WNT9B: variants seen among roughly 807,000 people sequenced by gnomAD.
WNT9B encodes protein Wnt-9b.
In WNT9B, 12 loss-of-function variants were observed where a neutral mutation model predicts 30.2. That is an observed-to-expected ratio of 0.40 (90% CI 0.26 to 0.64). The LOEUF (loss-of-function observed/expected upper bound fraction) is 0.64. Ranked by LOEUF, WNT9B falls within the 30% of genes least tolerant of loss-of-function variation. The probability of loss-of-function intolerance (pLI) is 0.42; values close to 1 mark genes in which losing one functional copy is unlikely to be tolerated. For synonymous variants in WNT9B, 218 were observed against 216.9 expected, an observed-to-expected ratio of 1.01 and a Z score of -0.05; for missense variants, 442 against 485.2, an observed-to-expected ratio of 0.91 and a Z score of 0.84.
chr17:46,849,864 T>C (rs1296740706), upstream of WNT9B, among the ~76,000 whole-genome samples: 6 of 151,952 alleles, frequency 3.9e-5, 1 homozygote, highest in East Asian at 1.2e-3. Flanking sequence ...TTTTTTTGTT[T>C]TGAGATGGAG....
At chr17:46,842,033 G>A (rs1410214775) in intron 1 of WNT9B, among the ~76,000 whole-genome samples, 2 of 152,170 alleles carry the variant, frequency 1.3e-5, no homozygotes, top group Non-Finnish European at 2.9e-5. Flanking sequence ...CCCTCGGCGG[G>A]GCCTGGGCTG....
chr17:46,850,724 G>A (rs542992978), upstream of WNT9B, among the ~76,000 whole-genome samples: 1 of 152,276 alleles, frequency 6.6e-6, no homozygotes, highest in South Asian at 2.1e-4. Flanking sequence ...AGCAGAAATT[G>A]GGGTTAAACT....
rs548851677 is a variant in WNT9B, at chr17:46,878,870, T to C, written c.*2152T>C. On this transcript the variant is annotated 3_prime_UTR_variant, in exon 4 of 4. Coordinates refer to ENST00000290015, the MANE Select transcript of WNT9B (RefSeq NM_003396.3). ...TGGCTGCTAACATGGACACCCCAAG[T>C]CAATGGCACAGTGCAGGTTCTGAGG... Among the ~76,000 whole-genome samples, 1 of 152,276 alleles carries C rather than the reference T, an allele frequency of 6.6e-6. No homozygotes were observed. Among genetic ancestry groups the C allele is most frequent in the East Asian group, 1.9e-4 (1 of 5,170 alleles).
chr17:46,836,895 T>C (rs1287029679), intron 1 of WNT9B, among the ~76,000 whole-genome samples: 1 of 152,218 alleles, frequency 6.6e-6, no homozygotes, highest in Non-Finnish European at 1.5e-5. Flanking sequence ...AAATGAACCC[T>C]TTGCTTTAGG....
chr17:46,865,380 TG>T (rs2085115459), intron 1 of WNT9B, among the ~76,000 whole-genome samples: 1 of 152,034 alleles, frequency 6.6e-6, no homozygotes, highest in South Asian at 2.1e-4. Flanking sequence ...AGCCTACAGC[TG>T]GACCCGGCTC....
chr17:46,852,606 G>T (rs575480160), intron 1 of WNT9B, among the ~76,000 whole-genome samples: 1 of 152,080 alleles, frequency 6.6e-6, no homozygotes, highest in African/African-American at 2.4e-5. Context: ...GAATTGCAGG[G>T]ATTTGGTGAG....
At chr17:46,839,833 G>A (rs1459020589) in intron 1 of WNT9B, among the ~76,000 whole-genome samples, 5 of 152,070 alleles carry the variant, frequency 3.3e-5, no homozygotes, top group African/African-American at 7.2e-5. Context: ...AGCTTCATCC[G>A]TGTCCCTGCA....
chr17:46,850,138 A>G (rs2084824113), upstream of WNT9B, among the ~76,000 whole-genome samples: 1 of 152,156 alleles, frequency 6.6e-6, no homozygotes, highest in Non-Finnish European at 1.5e-5. Context: ...GCATGAGCCA[A>G]CGTGCCTGGC....
At chr17:46,886,317 G>A (rs1441072511) in exon 5 of WNT9B, 3 of 152,230 alleles carry the variant, frequency 2.0e-5, no homozygotes, top group African/African-American at 4.8e-5. Context: ...GAGGTTAAAT[G>A]AGAGAAGACA....
chr17:46,833,195 G>C (rs2084577698), upstream of WNT9B: 1 of 392,798 alleles, frequency 2.5e-6, no homozygotes, highest in South Asian at 1.9e-5. Flanking sequence ...CAGCACAGAG[G>C]ACGTCAGCAA....
intron 1 of WNT9B, among the ~76,000 whole-genome samples, chr17:46,861,257 G>T (rs1002867848): frequency 2.0e-5 from 3 of 152,152 alleles, no homozygotes; most frequent in African/African-American, 7.2e-5. Flanking sequence ...AATTTTTCAG[G>T]TGCTCAGGTC....
intron 1 of WNT9B, among the ~76,000 whole-genome samples, chr17:46,863,229 C>G (rs2085073371): frequency 6.6e-6 from 1 of 152,254 alleles, no homozygotes; most frequent in Non-Finnish European, 1.5e-5. Flanking sequence ...AGCCAGAGAG[C>G]AAGACCACAG....
At chr17:46,860,227 G>A (rs2085012325) in intron 1 of WNT9B, among the ~76,000 whole-genome samples, 1 of 152,188 alleles carries the variant, frequency 6.6e-6, no homozygotes, top group African/African-American at 2.4e-5. Context: ...CTGTGGCTGA[G>A]GACGGGAAGG....
chr17:46,855,602 T>C (rs1241869699), intron 1 of WNT9B, among the ~76,000 whole-genome samples: 1 of 152,222 alleles, frequency 6.6e-6, no homozygotes, highest in Non-Finnish European at 1.5e-5. Context: ...GCCTAGGAAT[T>C]CCACAAATGT....
intron 1 of WNT9B, among the ~76,000 whole-genome samples, chr17:46,864,047 A>G (rs2085089927): frequency 6.6e-6 from 1 of 152,162 alleles, no homozygotes; most frequent in South Asian, 2.1e-4. Context: ...CTCATCATTG[A>G]GGGGGTCACG....
upstream of WNT9B, among the ~76,000 whole-genome samples, chr17:46,848,803 C>T (rs1269554860): frequency 6.6e-6 from 1 of 152,252 alleles, no homozygotes; most frequent in Non-Finnish European, 1.5e-5. Context: ...GGCCCACCTA[C>T]ACCTGCTACG....
chr17:46,872,360 G>C (rs1377251170), intron 1 of WNT9B, among the ~76,000 whole-genome samples, 157 bp from the exon 2 acceptor site: 1 of 152,206 alleles, frequency 6.6e-6, no homozygotes, highest in African/African-American at 2.4e-5. Context: ...CATGAACCTT[G>C]GTTTCCTAAT....
chr17:46,839,947 TC>T (rs2084683174), intron 1 of WNT9B, among the ~76,000 whole-genome samples: 1 of 150,052 alleles, frequency 6.7e-6, no homozygotes, highest in Non-Finnish European at 1.5e-5. Context: ...TTTCTTTCTT[TC>T]TTTCTTTCTT....
intron 1 of WNT9B, among the ~76,000 whole-genome samples, chr17:46,871,078 T>C (rs1252351446): frequency 6.6e-6 from 1 of 151,852 alleles, no homozygotes; most frequent in African/African-American, 2.4e-5. Context: ...GCCCACATAA[T>C]TTTTCTATTT....
Sources: allele counts gnomAD v4.1 joint callset (sites outside exome capture counted in the v4.1 genomes callset), GRCh38; gene constraint gnomAD v4.1.1; transcripts MANE v1.5; gene names NCBI Gene and HGNC (gene_info 2026-07-23, HGNC 2026-07-21).